Variants in HTT observed in about 807,000 individuals in gnomAD.
HTT encodes huntingtin.
HTT carries 104 observed loss-of-function variants against 362.3 expected under a neutral mutation model. The observed-to-expected ratio is 0.29, with a 90% CI of 0.24 to 0.34. The LOEUF is 0.34. Ranked by LOEUF, HTT falls within the 10% of genes least tolerant of loss-of-function variation. HTT has a pLI of 1.00. For synonymous variants in HTT, 1,577 were observed against 1,548.7 expected, an observed-to-expected ratio of 1.02 and a Z score of -0.43; for missense variants, 3,301 against 3,928.6, an observed-to-expected ratio of 0.84 and a Z score of 4.27.
Position 3,142,340 on chromosome 4 carries a change from T to C in HTT, c.2946-426T>C, listed in dbSNP as rs1432110437. Among the ~76,000 whole-genome samples, 5 of 152,216 alleles carry C rather than the reference T, an allele frequency of 3.3e-5. No individual in the cohort carries two copies. In the South Asian group the frequency reaches 1.0e-3, roughly 31 times the overall value. On this transcript the variant is annotated intron_variant, in intron 22 of 66. Transcript: ENST00000355072. ...AATTTATTTTATTTTTTGCCTTTTT[T>C]CCATGTGTTCTAAAGGAATTAGAGT...
At chr4:3,190,393 C>T (rs555180317) in intron 40 of HTT, among the ~76,000 whole-genome samples, 2 of 150,574 alleles carry the variant, frequency 1.3e-5, no homozygotes, top group Admixed American at 1.3e-4. Context: ...CTTCCTCCTC[C>T]TGTGTTAAAT....
At position 3,228,648 on chromosome 4, in the gene HTT, A is replaced by G. The variant is rs1035163377; in HGVS notation, c.7882A>G (p.Ile2628Val). 1 of 1,603,946 alleles carries G rather than the reference A, an allele frequency of 6.2e-7. No individual in the cohort carries two copies. The highest frequency in any genetic ancestry group is 1.7e-5 in the Admixed American group (1 of 58,566). The change falls in exon 58 of 67, where the codon ATC becomes GTC. Residue 2628 changes from isoleucine to valine, a missense_variant. This residue lies in a region of HTT where 753 missense variants were observed against 1,021.3 expected (regional missense o/e 0.74). Coordinates refer to ENST00000355072, the MANE Select transcript of HTT (RefSeq NM_001388492.1). This position sits in a 1 kb window ranked among gnomAD's most constrained non-coding sequence, Gnocchi z 4.3. ...SIHSVWLGNSITPLREEEWDE... is the reference protein window; with the variant it reads ...SIHSVWLGNSVTPLREEEWDE... ...ACACTCCGTGTGGCTGGGGAACAGC[A>G]TCACACCCCTGAGGGAGGAGGAATG...
intron 11 of HTT, 38 bp downstream of exon 11, chr4:3,125,667 C>T: frequency 7.0e-7 from 1 of 1,425,944 alleles, no homozygotes; most frequent in Non-Finnish European, 9.9e-7. Flanking sequence ...TGGACCTTCA[C>T]TGTCTGCCTT....
chr4:3,232,089 G>A (rs1404815528), intron 60 of HTT, among the ~76,000 whole-genome samples: 1 of 152,172 alleles, frequency 6.6e-6, no homozygotes, highest in African/African-American at 2.4e-5. Flanking sequence ...CCTGATGTGG[G>A]GCTTTCAGAA....
Position 3,233,270 on chromosome 4 carries a change from G to A in HTT, c.8373G>A (p.Glu2791=), listed in dbSNP as rs1467220934. The A allele has an allele frequency of 1.2e-6, 2 of 1,611,696 alleles. No homozygotes were observed. The highest frequency in any genetic ancestry group is 1.3e-5 in the African/African-American group (1 of 74,940). Residue 2791 remains glutamate, a synonymous_variant, in exon 61 of 67, where the codon GAG becomes GAA. Transcript: ENST00000355072. ...GALHGVLYVL[E]CDLLDDTAKQ... is the part of the protein sequence containing the mutation. Reference sequence around the variant, plus strand: ...TGCACGGCGTCCTCTATGTGCTGGAGTGCGACCTGCTGGACGACACTGCCA... The same window carrying A: ...TGCACGGCGTCCTCTATGTGCTGGAATGCGACCTGCTGGACGACACTGCCA...
chr4:3,100,771 C>T (rs971655926), intron 3 of HTT, among the ~76,000 whole-genome samples: 2 of 152,216 alleles, frequency 1.3e-5, no homozygotes, highest in African/African-American at 2.4e-5. Flanking sequence ...CTCAGTCACC[C>T]AGGCTGGAGT....
intron 37 of HTT, among the ~76,000 whole-genome samples, chr4:3,184,606 A>G (rs1718676061): frequency 6.6e-6 from 1 of 151,932 alleles, no homozygotes. Flanking sequence ...TTTGGGGGTG[A>G]TTTCAGGGTG....
At chr4:3,167,902 C>T (rs1317580117) in intron 29 of HTT, among the ~76,000 whole-genome samples, 2 of 152,170 alleles carry the variant, frequency 1.3e-5, no homozygotes, top group African/African-American at 2.4e-5. Context: ...CTCACCTCTC[C>T]TTTTTTGTTT....
intron 40 of HTT, among the ~76,000 whole-genome samples, chr4:3,198,336 T>G (rs1482223955): frequency 6.6e-6 from 1 of 150,926 alleles, no homozygotes; most frequent in African/African-American, 2.4e-5. Flanking sequence ...GCAATTCTTG[T>G]GCTCCCGCCT....
At chr4:3,134,594 G>A in intron 19 of HTT, 54 bp downstream of exon 19, 1 of 1,488,920 alleles carries the variant, frequency 6.7e-7, no homozygotes, top group Non-Finnish European at 9.3e-7. Context: ...TGAAAGTTCT[G>A]GGATCACTTG....
At chr4:3,175,735 G>A (rs1044536577) in intron 33 of HTT, among the ~76,000 whole-genome samples, 4 of 152,120 alleles carry the variant, frequency 2.6e-5, no homozygotes, top group Non-Finnish European at 4.4e-5. Flanking sequence ...CTCAAGATTC[G>A]TCCCAGTTAA....
In HTT at chr4:3,233,924, C is replaced by T. The variant is rs12649464; in HGVS notation, c.8456+571C>T. On this transcript the variant is annotated intron_variant, in intron 61 of 66. Transcript: ENST00000355072. ...GGTCTCACCGCCACTCTTCCAAAGT[C>T]GCAGAGGCTTTAGCAGAGATGGGCC... Among the ~76,000 whole-genome samples the T allele has an allele frequency of 5.3e-5, 8 of 152,328 alleles. No individual in the cohort carries two copies. The East Asian group carries it at 1.2e-3, about 22-fold the overall frequency.
rs1720063451 is a variant in HTT at position 3,209,816 on chromosome 4, T to C, written c.6292-11T>C. ...CCATCATGTTCCCCTTATCCATTTT[T>C]TTCTTCCCAGGACTGGTACGTTCAT... On this transcript the variant is annotated splice_polypyrimidine_tract_variant and intron_variant, in intron 46 of 66. Coordinates refer to ENST00000355072, the MANE Select transcript of HTT (RefSeq NM_001388492.1). The C allele has an allele frequency of 1.2e-6, 2 of 1,613,364 alleles. No individual in the cohort carries two copies. Among genetic ancestry groups the C allele is most frequent in the Non-Finnish European group, 1.7e-6 (2 of 1,179,562 alleles).
intron 51 of HTT, 85 bp from the exon 52 acceptor site, chr4:3,217,680 G>C (rs1720477305): frequency 2.6e-6 from 3 of 1,171,910 alleles, no homozygotes; most frequent in Non-Finnish European, 2.4e-6. Flanking sequence ...TACAGCTTGA[G>C]CAGCTGGTTG....
intron 24 of HTT, among the ~76,000 whole-genome samples, chr4:3,146,331 A>G (rs763969929): frequency 7.2e-5 from 11 of 152,340 alleles, no homozygotes; most frequent in Non-Finnish European, 1.3e-4. Context: ...AAAGGATACC[A>G]TTGGGGAACC....
intron 21 of HTT, among the ~76,000 whole-genome samples, chr4:3,137,331 T>C (rs1406580179): frequency 1.3e-5 from 2 of 152,232 alleles, no homozygotes; most frequent in African/African-American, 4.8e-5. Context: ...ACCCCAAATG[T>C]ATCCTTGTGC....
At chr4:3,081,707 G>A (rs1292282448) in intron 1 of HTT, among the ~76,000 whole-genome samples, 4 of 151,618 alleles carry the variant, frequency 2.6e-5, no homozygotes, top group African/African-American at 4.8e-5. Flanking sequence ...ACAGGCATGC[G>A]CCACCACACC....
In HTT at chr4:3,183,113, C is replaced by T. The variant is rs556105983; in HGVS notation, c.4866+643C>T. On this transcript the variant is annotated intron_variant, in intron 37 of 66. Transcript: ENST00000355072. ...CCCAGGCTGGTTTTAAACTCCTGGG[C>T]GCAAGTGATCCACCAACCTTGGCCT... Among the ~76,000 whole-genome samples the T allele has an allele frequency of 1.5e-4, 23 of 152,338 alleles. No individual in the cohort carries two copies. The East Asian group carries it at 2.1e-3, about 14-fold the overall frequency.
intron 11 of HTT, among the ~76,000 whole-genome samples, chr4:3,126,080 G>A (rs956950969): frequency 1.3e-5 from 2 of 152,156 alleles, no homozygotes; most frequent in Non-Finnish European, 2.9e-5. Flanking sequence ...CTGTCACCCA[G>A]TGCAGATACC....
Sources: allele counts gnomAD v4.1 joint callset (sites outside exome capture counted in the v4.1 genomes callset), GRCh38; gene constraint gnomAD v4.1.1; regional missense constraint gnomAD v4.1.1; non-coding constraint Gnocchi (gnomAD v3.1); transcripts MANE v1.5; gene names NCBI Gene and HGNC (gene_info 2026-07-23, HGNC 2026-07-21).